The following TJP3 variants were observed in gnomAD, a reference collection of about 807,000 sequenced individuals.
TJP3 encodes tight junction protein ZO-3.
Under a neutral mutation model 104.2 loss-of-function variants are expected in TJP3, and 85 were observed. That is an observed-to-expected ratio of 0.82 (90% CI 0.68 to 0.98). TJP3 has a LOEUF of 0.98. TJP3 is among the 50% of genes least tolerant of loss of function. The pLI is 0.00. For missense variants in TJP3, 1,367 were observed against 1,322.8 expected (o/e 1.03, Z -0.52); for synonymous variants, 550 against 550.6 (o/e 1.00, Z 0.02).
Position 3,746,787 on chromosome 19 carries a change from CTGAA to C in TJP3, c.2236_2239del (p.Asn746AlafsTer37), listed in dbSNP as rs1327819027. 6 of 1,609,712 alleles carry C rather than the reference CTGAA, an allele frequency of 3.7e-6. No individual in the cohort carries two copies. Among genetic ancestry groups the C allele is most frequent in the Non-Finnish European group, 5.1e-6 (6 of 1,178,104 alleles). On this transcript the variant is annotated frameshift_variant, in exon 18 of 21. Coordinates refer to ENST00000541714, the MANE Select transcript of TJP3 (RefSeq NM_001267560.2). LOFTEE classifies it high-confidence loss of function. The surrounding 1 kb of genome is among the most constrained non-coding windows in gnomAD (Gnocchi z 4.1). ...TCCCCTCCCTGCAGCCACCATCCCT[CTGAA>C]TGGCACGAGTGACACCTGGTACCAG...
chr19:3,712,967 A>G (rs1226022183), intron 1 of TJP3, among the ~76,000 whole-genome samples: 1 of 151,568 alleles, frequency 6.6e-6, no homozygotes, highest in Non-Finnish European at 1.5e-5. Flanking sequence ...AAAAAAAGAA[A>G]AGAAAAGAAA....
intron 12 of TJP3, 30 bp downstream of exon 12, chr19:3,738,693 T>C: frequency 6.3e-7 from 1 of 1,590,150 alleles, no homozygotes; most frequent in Non-Finnish European, 8.6e-7. Context: ...GGTGTGCCTG[T>C]GTGTTGCGGG....
chr19:3,733,902 G>T lies in TJP3; in HGVS notation c.867G>T (p.Ser289=). ...IPPAVSDSDS[S]PLEDISDLAS... ...CTGCTGTCAGTGACAGCGACAGCTCGCCATTGGAGGGTGAGGACCTAGAGG... is the reference window on the plus strand; with the variant it reads ...CTGCTGTCAGTGACAGCGACAGCTCTCCATTGGAGGGTGAGGACCTAGAGG... The change falls in exon 7 of 21, where the codon TCG becomes TCT. Residue 289 remains serine (S), a synonymous_variant. Transcript: ENST00000541714. 1 of 1,613,970 alleles carries T rather than the reference G, an allele frequency of 6.2e-7. No homozygotes were observed. Among genetic ancestry groups the T allele is most frequent in the Non-Finnish European group, 8.5e-7 (1 of 1,179,904 alleles).
chr19:3,739,013 G>C lies in TJP3; in HGVS notation c.1510G>C (p.Val504Leu). ...CTTCACCCGTGGCGACGTCTTCCAC[G>C]TGCTGGACACGCTGCACCCCGGCCC... ...LGFTRGDVFHVLDTLHPGPGQ... is the reference protein window; with the variant it reads ...LGFTRGDVFHLLDTLHPGPGQ... The change falls in exon 13 of 21, where the codon GTG becomes CTG. Residue 504 changes from valine to leucine, a missense_variant. Coordinates refer to ENST00000541714, the MANE Select transcript of TJP3 (RefSeq NM_001267560.2). 1 of 1,613,010 alleles carries C rather than the reference G, an allele frequency of 6.2e-7. No individual in the cohort carries two copies. The highest frequency in any genetic ancestry group is 8.5e-7 in the Non-Finnish European group (1 of 1,179,790).
intron 14 of TJP3, among the ~76,000 whole-genome samples, chr19:3,741,706 C>T (rs577374301): frequency 2.6e-5 from 4 of 151,382 alleles, no homozygotes; most frequent in South Asian, 4.2e-4. Context: ...CGGTGGCTCA[C>T]GCCCGTAATC....
chr19:3,735,346 CCCA>C (rs1484271771), intron 8 of TJP3, among the ~76,000 whole-genome samples: 1 of 151,768 alleles, frequency 6.6e-6, no homozygotes, highest in Non-Finnish European at 1.5e-5. Flanking sequence ...ATTACAGGCG[CCCA>C]CCATCATGCC....
At chr19:3,732,173 A>C in intron 6 of TJP3, 135 bp downstream of exon 6, 2 of 671,322 alleles carry the variant, frequency 3.0e-6, no homozygotes, top group Non-Finnish European at 4.7e-6. Context: ...CTTGTATCTC[A>C]AAGGTTGCAG....
At chr19:3,708,769 G>T (rs78448698) in intron 1 of TJP3, among the ~76,000 whole-genome samples, 1 of 152,076 alleles carries the variant, frequency 6.6e-6, no homozygotes, top group South Asian at 2.1e-4. Flanking sequence ...TGCACCTGGC[G>T]GCCTGCCCAG....
At chr19:3,741,697 G>T (rs974672194) in intron 14 of TJP3, among the ~76,000 whole-genome samples, 2 of 151,556 alleles carry the variant, frequency 1.3e-5, no homozygotes, top group Non-Finnish European at 2.9e-5. Context: ...GCCTGGGTGC[G>T]GTGGCTCACG....
rs568247061 is a variant in TJP3 at position 3,716,207 on chromosome 19, G to A, written c.-10+7646G>A. ...CCTGCCTCAGCCTCCCGAGTAGCAG[G>A]GATTACAGGTGCCTGTCACTACGCC... On this transcript the variant is annotated intron_variant, in intron 1 of 20. Coordinates refer to ENST00000541714, the MANE Select transcript of TJP3 (RefSeq NM_001267560.2). 4.3e-4 allele frequency among the ~76,000 whole-genome samples: 64 copies of A among 147,958 alleles called. 2 individuals carry two copies. The highest frequency in any genetic ancestry group is 1.5e-3 in the African/African-American group (62 of 41,210).
At chr19:3,735,804 A>C (rs561994021) in intron 9 of TJP3, 65 bp from the exon 10 acceptor site, 1 of 1,606,406 alleles carries the variant, frequency 6.2e-7, no homozygotes, top group South Asian at 1.1e-5. Flanking sequence ...GAGGACATAA[A>C]GCAAAGGTTT....
chr19:3,724,000 G>A (rs1161986169), intron 1 of TJP3, among the ~76,000 whole-genome samples: 2 of 151,912 alleles, frequency 1.3e-5, no homozygotes, highest in Non-Finnish European at 2.9e-5. Flanking sequence ...ATGGGGTAAA[G>A]GTTTGGAGGT....
Position 3,747,981 on chromosome 19 carries a change from C to A in TJP3, c.2510C>A (p.Pro837His), listed in dbSNP as rs1008148108. The A allele has an allele frequency of 1.7e-5, 28 of 1,612,366 alleles. No homozygotes were observed. The highest frequency in any genetic ancestry group is 2.3e-5 in the Non-Finnish European group (27 of 1,179,634). The change falls in exon 19 of 21, where the codon CCC becomes CAC. Residue 837 changes from proline (P) to histidine (H), a missense_variant. Pro to His is a moderately conservative substitution (Grantham distance 77). Transcript: ENST00000541714. ...CCCTACACGGATGTGGATGATGAGC[C>A]CCCGGCTCCAGCCCTGGCCCGGTCC... ...GGPYTDVDDEPPAPALARSSE... is the reference protein window; with the variant it reads ...GGPYTDVDDEHPAPALARSSE...
Position 3,738,944 on chromosome 19 carries a change from C to T in TJP3, c.1441C>T (p.Arg481Cys), listed in dbSNP as rs778173275. The change falls in exon 13 of 21, where the codon CGC (arginine) becomes TGC (cysteine). Residue 481 changes from arginine (R) to cysteine (C), a missense_variant. Transcript: ENST00000541714. Reference protein sequence around the residue: ...QSRVGDSFYIRTHFELEPSPP... With the variant: ...QSRVGDSFYICTHFELEPSPP... ...CCGCGTGGGTGACTCCTTCTACATC[C>T]GCACTCACTTTGAGCTGGAGCCCAG... The T allele has an allele frequency of 6.2e-6, 10 of 1,612,768 alleles. No homozygotes were observed. The highest frequency in any genetic ancestry group is 3.3e-5 in the South Asian group (3 of 90,930).
chr19:3,715,566 T>C lies in TJP3; in HGVS notation c.-10+7005T>C, dbSNP rs374571951. Among the ~76,000 whole-genome samples, 75 of 152,120 alleles carry C rather than the reference T, an allele frequency of 4.9e-4. 1 individual carries two copies. In the South Asian group the frequency reaches 0.015, roughly 31 times the overall value. On this transcript the variant is annotated intron_variant, in intron 1 of 20. Transcript: ENST00000541714. ...GGATATGAGAGCAGACGGTGGGTGG[T>C]TGGAGGAAGACAATGTGTCCTGGTG... is the stretch of plus-strand genomic sequence containing the variant.
chr19:3,723,808 A>AAT (rs201031463), intron 1 of TJP3, among the ~76,000 whole-genome samples: 2,816 of 128,798 alleles, frequency 0.022, 45 homozygotes, highest in African/African-American at 0.039. Context: ...AAAAAAAAAA[A>AAT]ATATATATAT....
At chr19:3,710,687 A>G (rs1449477690) in intron 1 of TJP3, among the ~76,000 whole-genome samples, 2 of 152,104 alleles carry the variant, frequency 1.3e-5, no homozygotes, top group Non-Finnish European at 2.9e-5. Flanking sequence ...GGGGTCGCCC[A>G]GGGAGCGAAC....
Position 3,740,639 on chromosome 19 carries a change from G to C in TJP3, c.1719G>C (p.Glu573Asp), listed in dbSNP as rs758425011. ...GSSAGSNARA[E>D]FWRLRGLRRG... is the part of the protein sequence containing the mutation. ...CCGCGGGCTCCAATGCTCGGGCCGA[G>C]TTCTGGCGGCTGCGGGGTCTTCGTC... Residue 573 changes from glutamate (E) to aspartate (D), a missense_variant, in exon 14 of 21, where the codon GAG (glutamate) becomes GAC (aspartate). By Grantham distance (45) the Glu-to-Asp change is conservative. Coordinates refer to ENST00000541714, the MANE Select transcript of TJP3 (RefSeq NM_001267560.2). 1 of 1,600,884 alleles carries C rather than the reference G, an allele frequency of 6.2e-7. No homozygotes were observed. Among genetic ancestry groups the C allele is most frequent in the Non-Finnish European group, 8.5e-7 (1 of 1,174,562 alleles).
intron 1 of TJP3, among the ~76,000 whole-genome samples, chr19:3,725,292 C>T (rs1412519250): frequency 6.6e-6 from 1 of 151,312 alleles, no homozygotes; most frequent in Non-Finnish European, 1.5e-5. Context: ...ACCAACCAAC[C>T]AACCAAAAAA....
Sources: gnomAD v4.1 joint callset for allele counts (sites outside exome capture counted in the v4.1 genomes callset) on GRCh38, gnomAD v4.1.1 for gene constraint, Gnocchi (gnomAD v3.1) non-coding constraint, MANE v1.5 for transcripts, NCBI Gene and HGNC (gene_info 2026-07-23, HGNC 2026-07-21) for gene names.